RYR3: variants seen among roughly 807,000 people sequenced by gnomAD.
RYR3 encodes the protein ryanodine receptor 3, also known as brain ryanodine receptor-calcium release channel.
RYR3 carries 207 observed loss-of-function variants against 584.3 expected under a neutral mutation model. The observed-to-expected ratio is 0.35, with a 90% CI of 0.32 to 0.40. RYR3 has a LOEUF of 0.40. Among genes scored for constraint, RYR3 ranks in the 10% least tolerant of loss-of-function variants. The pLI, the probability that RYR3 is intolerant of heterozygous loss-of-function variation, is 1.00. For synonymous variants in RYR3, 2,416 were observed against 2,248.5 expected (o/e 1.07, Z -2.11); for missense variants, 5,616 against 6,089.2 (o/e 0.92, Z 2.59).
chr15:33,778,352 A>G (rs962274278), intron 64 of RYR3, among the ~76,000 whole-genome samples: 1 of 152,120 alleles, frequency 6.6e-6, no homozygotes, highest in Non-Finnish European at 1.5e-5. Context: ...AGAAAACACC[A>G]TATTTCTCCT....
chr15:33,748,220 G>A lies in RYR3; in HGVS notation c.8096G>A (p.Arg2699Gln), dbSNP rs1352697289. 12 of 1,613,940 alleles carry A rather than the reference G, an allele frequency of 7.4e-6. No homozygotes were observed. Among genetic ancestry groups the A allele is most frequent in the Admixed American group, 5.0e-5 (3 of 60,016 alleles). ...GAGGGAGAAGCTTTGGTTCAACAGCGGGAAAATGAGAAGCTTCGAAGTGTG... is the reference window on the plus strand; with the variant it reads ...GAGGGAGAAGCTTTGGTTCAACAGCAGGAAAATGAGAAGCTTCGAAGTGTG... ...TKEGEALVQQ[R>Q]ENEKLRSVSQ... Residue 2699 changes from arginine (R) to glutamine (Q), a missense_variant, in exon 54 of 104, where the codon CGG becomes CAG. Around this residue, in one of 9 missense-constraint regions of RYR3, gnomAD observed 1,280 missense variants for 1,426.2 expected, o/e 0.90. Transcript: ENST00000634891.
chr15:33,742,805 G>GGAA (rs1555435227), intron 52 of RYR3, among the ~76,000 whole-genome samples: 1 of 149,192 alleles, frequency 6.7e-6, no homozygotes, highest in Non-Finnish European at 1.5e-5. Flanking sequence ...ATGCAGATTG[G>GGAA]AAAAAAAAAA....
intron 23 of RYR3, among the ~76,000 whole-genome samples, chr15:33,632,133 A>G (rs1386404878): frequency 6.6e-6 from 1 of 152,202 alleles, no homozygotes; most frequent in Non-Finnish European, 1.5e-5. Flanking sequence ...CCTACCTACA[A>G]TAGACCCTGC....
At chr15:33,435,291 T>C (rs2676026) in intron 1 of RYR3, among the ~76,000 whole-genome samples, 29,594 of 152,122 alleles carry the variant, frequency 0.19, 4,186 homozygotes, top group African/African-American at 0.41. Flanking sequence ...TTTATATAGA[T>C]GTGTCATACT....
chr15:33,500,277 C>G (rs2051849080), intron 2 of RYR3, among the ~76,000 whole-genome samples: 1 of 152,142 alleles, frequency 6.6e-6, no homozygotes, highest in African/African-American at 2.4e-5. Flanking sequence ...ACCTCATTTC[C>G]CTGAGGGCTT....
At chr15:33,562,699 G>T (rs1399257971) in intron 10 of RYR3, 138 bp from the exon 11 acceptor site, 2 of 610,016 alleles carry the variant, frequency 3.3e-6, no homozygotes, top group Non-Finnish European at 5.7e-6. Flanking sequence ...TGAAATCCTG[G>T]CTTGGACAGG....
chr15:33,435,955 C>T (rs2045687738), intron 1 of RYR3, among the ~76,000 whole-genome samples: 2 of 152,140 alleles, frequency 1.3e-5, no homozygotes, highest in Non-Finnish European at 2.9e-5. Flanking sequence ...GTCCATTTTA[C>T]AGAGTTCTGA....
In RYR3 at chr15:33,861,058, C is replaced by A. The variant is rs988958973; in HGVS notation, c.14365-20C>A. On this transcript the variant is annotated intron_variant, in intron 101 of 103. Coordinates refer to ENST00000634891, the MANE Select transcript of RYR3 (RefSeq NM_001036.6). ...TATATTATGCCAACAAATGCCTTTT[C>A]TGCCTGTTATTTTTCTTAGACTAAA... 6.5e-7 allele frequency: 1 copy of A among 1,538,944 alleles called. No individual in the cohort carries two copies. The highest frequency in any genetic ancestry group is 8.9e-7 in the Non-Finnish European group (1 of 1,129,702).
chr15:33,395,898 G>A (rs1036516245), intron 1 of RYR3, among the ~76,000 whole-genome samples: 4 of 152,198 alleles, frequency 2.6e-5, no homozygotes, highest in African/African-American at 9.6e-5. Flanking sequence ...GCATAGCATA[G>A]TTGACCCTCA....
At chr15:33,743,964 G>A (rs1030340649) in intron 52 of RYR3, among the ~76,000 whole-genome samples, 8 of 152,152 alleles carry the variant, frequency 5.3e-5, no homozygotes, top group African/African-American at 1.7e-4. Context: ...GTATGGCCTG[G>A]TAGGCACTGC....
intron 94 of RYR3, chr15:33,852,761 G>T: frequency 3.0e-6 from 1 of 336,084 alleles, no homozygotes; most frequent in South Asian, 3.5e-5. Context: ...AACTGTCTCT[G>T]TCTAATCTGT....
intron 10 of RYR3, among the ~76,000 whole-genome samples, chr15:33,552,175 A>T (rs548965624): frequency 2.8e-4 from 43 of 152,200 alleles, no homozygotes; most frequent in African/African-American, 9.2e-4. Context: ...AGCTGGCAGG[A>T]TCCTGTTCCA....
chr15:33,392,175 A>C (rs2042037061), intron 1 of RYR3, among the ~76,000 whole-genome samples: 1 of 142,390 alleles, frequency 7.0e-6, no homozygotes, highest in South Asian at 2.4e-4. Context: ...AACCTAGCAC[A>C]GAGCCAGGCA....
intron 2 of RYR3, among the ~76,000 whole-genome samples, chr15:33,476,752 C>T (rs1355818944): frequency 6.6e-6 from 1 of 152,178 alleles, no homozygotes; most frequent in African/African-American, 2.4e-5. Context: ...AGTTGACATA[C>T]CCACCATCCT....
intron 16 of RYR3, among the ~76,000 whole-genome samples, chr15:33,598,285 A>G (rs2059483395): frequency 6.6e-6 from 1 of 150,842 alleles, no homozygotes; most frequent in African/African-American, 2.4e-5. Context: ...GGAGAGAAAA[A>G]CAAACAAAAA....
intron 3 of RYR3, among the ~76,000 whole-genome samples, chr15:33,526,557 GTAGAA>G (rs1265910931): frequency 6.6e-6 from 1 of 152,088 alleles, no homozygotes; most frequent in African/African-American, 2.4e-5. Flanking sequence ...AATGAAAAGA[GTAGAA>G]TTTGTAGTTA....
rs1206851818 is a variant in RYR3, at chr15:33,746,134, C to G, written c.7966C>G (p.Pro2656Ala). The change falls in exon 53 of 104, where the codon CCT (proline) becomes GCT (alanine). Residue 2656 changes from proline to alanine, a missense_variant. By Grantham distance (27) the Pro-to-Ala change is conservative (BLOSUM62 -1). Transcript: ENST00000634891. ...ENVKTHPLIR[P>A]FKTLTEKEKE... ...TGTGAAGACCCACCCACTGATAAGG[C>G]CTTTCAAGACATTAACGGAGAAGGT... 3 of 1,597,818 alleles carry G rather than the reference C, an allele frequency of 1.9e-6. No individual in the cohort carries two copies. The highest frequency in any genetic ancestry group is 2.3e-5 in the South Asian group (2 of 87,442).
chr15:33,566,860 C>T, intron 12 of RYR3, 61 bp downstream of exon 12: 1 of 1,562,018 alleles, frequency 6.4e-7, no homozygotes, highest in Non-Finnish European at 8.8e-7. Flanking sequence ...GCCAACACCA[C>T]CACCCACCTC....
rs760727242 is a variant in RYR3, at chr15:33,837,872, G to A, written c.11892G>A (p.Ser3964=). 25 of 1,613,878 alleles carry A rather than the reference G, an allele frequency of 1.5e-5. No homozygotes were observed. The highest frequency in any genetic ancestry group is 1.3e-4 in the South Asian group (12 of 91,080). ...AGTCAGAGATTGACTTTCTCCTGTC[G>A]TGTGCAGAAGCTGATGAGAATGACA... ...YTQSEIDFLL[S]CAEADENDMF... is the part of the protein sequence containing the mutation. The change falls in exon 89 of 104, where the codon TCG becomes TCA. Residue 3964 remains serine (S), a synonymous_variant. Transcript: ENST00000634891.
Sources: gnomAD v4.1 joint callset for allele counts (sites outside exome capture counted in the v4.1 genomes callset) on GRCh38, gnomAD v4.1.1 for gene constraint, gnomAD v4.1.1 regional missense constraint, MANE v1.5 for transcripts, NCBI Gene and HGNC (gene_info 2026-07-23, HGNC 2026-07-21) for gene names.